Variants in TPP2 observed in about 807,000 individuals in gnomAD.
The protein encoded by TPP2 is tripeptidyl peptidase 2, also known as tripeptidyl-peptidase 2.
In TPP2, 34 loss-of-function variants were observed where a neutral mutation model predicts 155.9. The ratio of observed to expected loss-of-function variants is 0.22; its 90% CI spans 0.17 to 0.29. TPP2 has a LOEUF of 0.29. TPP2 is among the 10% of genes least tolerant of loss of function. The probability of loss-of-function intolerance (pLI) is 1.00; values close to 1 mark genes in which losing one functional copy is unlikely to be tolerated. For synonymous variants in TPP2, 510 were observed against 529.4 expected (o/e 0.96, Z 0.50); for missense variants, 1,028 against 1,522.3 (o/e 0.68, Z 5.40).
chr13:102,645,104 C>A (rs1229157712), intron 19 of TPP2, 95 bp downstream of exon 19: 2 of 1,150,344 alleles, frequency 1.7e-6, no homozygotes, highest in East Asian at 2.4e-5. Flanking sequence ...TTTTAATCCA[C>A]CTGCATGCTA....
At chr13:102,629,981 G>A (rs561606290) in intron 9 of TPP2, 115 bp from the exon 10 acceptor site, 24 of 799,008 alleles carry the variant, frequency 3.0e-5, no homozygotes, top group Non-Finnish European at 4.6e-5. Flanking sequence ...TTCTTCCATC[G>A]TATTAGAGAG....
chr13:102,652,397 C>CATATATATATATATAT (rs10530428), intron 24 of TPP2, among the ~76,000 whole-genome samples: 1 of 125,486 alleles, frequency 8.0e-6, no homozygotes, highest in Non-Finnish European at 1.8e-5. Context: ...AACATACATA[C>CATATATATATATATAT]ATATATATAT....
rs1000509357 is a variant in TPP2 at position 102,644,448 on chromosome 13, C to T, written c.2176-109C>T. 48 of 939,458 alleles carry T rather than the reference C, an allele frequency of 5.1e-5. No homozygotes were observed. The East Asian group carries it at 9.4e-4, about 18-fold the overall frequency. The allele number at this position is 939,458 out of a possible 1,614,324, so 58.2% of individuals were successfully genotyped here. ...TTAAAATTTTTGAGTTTTCTTGCTA[C>T]AAACAGGAAAAGTTTGAAAACAGAA... is the stretch of plus-strand genomic sequence containing the variant. On this transcript the variant is annotated intron_variant, in intron 17 of 29. Transcript: ENST00000376052.
Position 102,657,036 on chromosome 13 carries a change from A to C in TPP2, c.2992-20A>C, listed in dbSNP as rs780842570. The C allele has an allele frequency of 4.4e-6, 7 of 1,574,204 alleles. No individual in the cohort carries two copies. The highest frequency in any genetic ancestry group is 5.1e-6 in the Non-Finnish European group (6 of 1,167,552). ...TAAAATTAAGCATATTAATCTAAGAATCTCTCTCCACATTCGTAGGATGTA... is the reference window on the plus strand; with the variant it reads ...TAAAATTAAGCATATTAATCTAAGACTCTCTCTCCACATTCGTAGGATGTA... On this transcript the variant is annotated intron_variant, in intron 24 of 29. Transcript: ENST00000376052.
rs548836393 is a variant in TPP2, at chr13:102,621,680, G to A, written c.621-1197G>A. Among the ~76,000 whole-genome samples, 16 of 152,294 alleles carry A rather than the reference G, an allele frequency of 1.1e-4. No individual in the cohort carries two copies. In the South Asian group the frequency reaches 2.7e-3, roughly 26 times the overall value. On this transcript the variant is annotated intron_variant, in intron 5 of 29. Transcript: ENST00000376052. ...AGCAGGAGTCAAATGTAGGGGCAGA[G>A]CAGGCCATCAGCTCATCAGGCAACA...
chr13:102,625,788 T>C (rs567607388), intron 6 of TPP2, among the ~76,000 whole-genome samples: 7 of 152,314 alleles, frequency 4.6e-5, no homozygotes, highest in Middle Eastern at 3.4e-3. Context: ...TAGAGATGCC[T>C]GCCTACTTCT....
chr13:102,638,421 G>A (rs1777375182), intron 15 of TPP2, 106 bp downstream of exon 15: 2 of 1,240,712 alleles, frequency 1.6e-6, no homozygotes, highest in Admixed American at 1.8e-5. Context: ...CCAGGTAATG[G>A]GGATTTTGTC....
At chr13:102,613,485 T>A (rs1171033538) in intron 2 of TPP2, among the ~76,000 whole-genome samples, 1 of 152,232 alleles carries the variant, frequency 6.6e-6, no homozygotes, top group African/African-American at 2.4e-5. Context: ...TGATGCTCAG[T>A]TCACTTTTTT....
At chr13:102,605,856 T>G (rs1879787987) in intron 2 of TPP2, among the ~76,000 whole-genome samples, 1 of 152,096 alleles carries the variant, frequency 6.6e-6, no homozygotes, top group Admixed American at 6.5e-5. Context: ...CCCAATTAGC[T>G]GGGATTACAG....
chr13:102,634,804 C>T (rs1381661600), intron 11 of TPP2, among the ~76,000 whole-genome samples: 1 of 152,208 alleles, frequency 6.6e-6, no homozygotes, highest in Non-Finnish European at 1.5e-5. Context: ...ACATGACCCT[C>T]TTTCTAGTTC....
rs145695798 is a variant in TPP2, at chr13:102,638,291, C to T, written c.1889C>T (p.Pro630Leu). The change falls in exon 15 of 30, where the codon CCG (proline) becomes CTG (leucine). Residue 630 changes from proline to leucine, a missense_variant. Pro to Leu is a moderately conservative substitution (Grantham distance 98). Coordinates refer to ENST00000376052, the MANE Select transcript of TPP2 (RefSeq NM_001330588.2). ...AACGCAGGTCCGCTCTTCAGAGTTC[C>T]GATCACTGCAGTTATAGCAGCAAAG... ...SPNAGPLFRV[P>L]ITAVIAAKVN... The T allele has an allele frequency of 8.7e-6, 14 of 1,612,756 alleles. No homozygotes were observed. The highest frequency in any genetic ancestry group is 4.4e-5 in the South Asian group (4 of 91,082).
In TPP2 at chr13:102,638,372, A is replaced by G; in HGVS notation, c.1913+57A>G. ...ACATCTAAGATTTTAATGACTATTC[A>G]TGGAGTCTTGTGGACTTTTAATGAT... On this transcript the variant is annotated intron_variant, in intron 15 of 29. Transcript: ENST00000376052. 4 of 1,542,050 alleles carry G rather than the reference A, an allele frequency of 2.6e-6. No homozygotes were observed. The South Asian group carries it at 3.3e-5, about 13-fold the overall frequency.
intron 2 of TPP2, among the ~76,000 whole-genome samples, chr13:102,610,490 A>G (rs1351583233): frequency 6.6e-6 from 1 of 152,206 alleles, no homozygotes; most frequent in African/African-American, 2.4e-5. Context: ...TCGGCCTCCC[A>G]GAGTGCTGGG....
intron 7 of TPP2, 151 bp from the exon 8 acceptor site, chr13:102,627,697 G>A (rs1009454417): frequency 2.0e-6 from 1 of 509,032 alleles, no homozygotes; most frequent in Admixed American, 4.1e-5. Context: ...GTGCTTATAT[G>A]TCCAGGTATA....
chr13:102,624,496 C>T (rs61195498), intron 6 of TPP2, among the ~76,000 whole-genome samples: 25,310 of 152,164 alleles, frequency 0.17, 2,783 homozygotes, highest in African/African-American at 0.31. Flanking sequence ...TTTGCTCTCT[C>T]TATTATCCAG....
intron 19 of TPP2, 74 bp downstream of exon 19, chr13:102,645,083 G>A: frequency 1.4e-6 from 2 of 1,395,346 alleles, no homozygotes; most frequent in Admixed American, 2.3e-5. Context: ...TTAAAAAAGG[G>A]CCTTTTTTTT....
rs376158588 is a variant in TPP2 at position 102,644,613 on chromosome 13, C to T, written c.2232C>T (p.Val744=). Residue 744 remains valine (V), a synonymous_variant, in exon 18 of 30, where the codon GTC becomes GTT. Transcript: ENST00000376052. ...GTTGGTGGGCAAGTCTCAGTGATGTCAACATTGATTATACCATTTCTTTCC... is the reference window on the plus strand; with the variant it reads ...GTTGGTGGGCAAGTCTCAGTGATGTTAACATTGATTATACCATTTCTTTCC... ...IARWWASLSD[V]NIDYTISFHG... 1.2e-6 allele frequency: 2 copies of T among 1,612,998 alleles called. No individual in the cohort carries two copies. The highest frequency in any genetic ancestry group is 3.3e-5 in the Admixed American group (2 of 59,882).
At chr13:102,606,219 C>A (rs969795958) in intron 2 of TPP2, among the ~76,000 whole-genome samples, 1 of 152,210 alleles carries the variant, frequency 6.6e-6, no homozygotes, top group East Asian at 1.9e-4. Context: ...GCTTTTCCCA[C>A]CTTTTGCCAT....
chr13:102,612,118 A>T (rs1044537618), intron 2 of TPP2, among the ~76,000 whole-genome samples: 1 of 152,298 alleles, frequency 6.6e-6, no homozygotes, highest in South Asian at 2.1e-4. Flanking sequence ...TTGGTTTTTA[A>T]AAAAAATAAA....
Sources: gnomAD v4.1 joint callset for allele counts (sites outside exome capture counted in the v4.1 genomes callset) on GRCh38, gnomAD v4.1.1 for gene constraint, MANE v1.5 for transcripts, NCBI Gene and HGNC (gene_info 2026-07-23, HGNC 2026-07-21) for gene names.